Variants in LUZP1 observed in about 807,000 individuals in gnomAD.
The protein encoded by LUZP1 is filamin mechanobinding actin cross-linking protein.
In LUZP1, 25 loss-of-function variants were observed where a neutral mutation model predicts 71.3. The observed-to-expected ratio is 0.35, with a 90% CI of 0.26 to 0.49. LUZP1 has a LOEUF of 0.49. Ranked by LOEUF, LUZP1 falls within the 20% of genes least tolerant of loss-of-function variation. The pLI is 0.99. For missense variants in LUZP1, 1,142 were observed against 1,300.8 expected (o/e 0.88, Z 1.88); for synonymous variants, 481 against 506.4 (o/e 0.95, Z 0.67).
At chr1:23,156,618 G>T (rs1456874305) in intron 2 of LUZP1, among the ~76,000 whole-genome samples, 1 of 151,978 alleles carries the variant, frequency 6.6e-6, no homozygotes, top group Non-Finnish European at 1.5e-5. Context: ...TGTAATATGG[G>T]TCATATTCAT....
At chr1:23,092,836 G>A (rs760779821) in exon 4 of LUZP1, 14 of 1,613,650 alleles carry the variant, frequency 8.7e-6, no homozygotes, top group East Asian at 4.5e-5. Context: ...GGGGGGTAGC[G>A]ACTCAGCACT....
chr1:23,110,633 C>CAT (rs56065150), intron 2 of LUZP1, among the ~76,000 whole-genome samples: 24,217 of 121,028 alleles, frequency 0.2, 1,951 homozygotes, highest in African/African-American at 0.22. Flanking sequence ...AACGCGCACA[C>CAT]ATACACACAC....
rs1433009833 is a variant in LUZP1 at position 23,093,737 on chromosome 1, A to G, written c.525T>C (p.Thr175=). Reference sequence around the variant, plus strand: ...CTAACTCTGACGCTAAACTCTGCTCAGTTTTATCCAGGCGGTCCTCAGAAG... The same window carrying G: ...CTAACTCTGACGCTAAACTCTGCTCGGTTTTATCCAGGCGGTCCTCAGAAG... The change falls in exon 4 of 5, where the codon ACT becomes ACC. Residue 175 remains threonine (T), a synonymous_variant. Transcript: ENST00000302291. The surrounding 1 kb of genome is among the most constrained non-coding windows in gnomAD (Gnocchi z 4.2). 6.2e-7 allele frequency: 1 copy of G among 1,613,666 alleles called. No homozygotes were observed. Among genetic ancestry groups the G allele is most frequent in the Non-Finnish European group, 8.5e-7 (1 of 1,180,026 alleles).
chr1:23,123,824 T>C (rs1644149363), intron 2 of LUZP1, among the ~76,000 whole-genome samples: 1 of 152,178 alleles, frequency 6.6e-6, no homozygotes, highest in African/African-American at 2.4e-5. Flanking sequence ...TAAGCCACCC[T>C]ATATAGACCT....
At chr1:23,089,016 C>T in exon 5 of LUZP1, 3 of 1,614,150 alleles carry the variant, frequency 1.9e-6, no homozygotes, top group Non-Finnish European at 2.5e-6. Context: ...GTGCAGTTGC[C>T]TGTAGACACT....
intron 3 of LUZP1, among the ~76,000 whole-genome samples, chr1:23,102,684 G>C (rs1340379822): frequency 6.6e-6 from 1 of 152,116 alleles, no homozygotes; most frequent in African/African-American, 2.4e-5. Context: ...AGTGGGCAGG[G>C]CATGGTAGCT....
rs146205890 is a variant in LUZP1 at position 23,089,007 on chromosome 1, T to C, written c.3119A>G (p.His1040Arg). ...CAGTTCAGACGGATCCAGGGAGTTG[T>C]GCAGTTGCCTGTAGACACTGAGTGT... The change falls in exon 5 of 5, where the codon CAC becomes CGC. Residue 1040 changes from histidine to arginine, a missense_variant. Physicochemically the swap from His to Arg is conservative, Grantham distance 29 (BLOSUM62 0). Coordinates refer to ENST00000302291, the Ensembl canonical transcript of LUZP1. The C allele has an allele frequency of 4.3e-5, 70 of 1,614,148 alleles. No individual in the cohort carries two copies. Among genetic ancestry groups the C allele is most frequent in the Non-Finnish European group, 5.6e-5 (66 of 1,180,010 alleles).
At chr1:23,161,965 G>A (rs1303703686) in intron 2 of LUZP1, among the ~76,000 whole-genome samples, 3 of 142,880 alleles carry the variant, frequency 2.1e-5, no homozygotes, top group Non-Finnish European at 3.0e-5. Flanking sequence ...GGTGGAGGTT[G>A]CAGTGAGCTG....
intron 3 of LUZP1, among the ~76,000 whole-genome samples, chr1:23,106,630 T>C (rs1643984569): frequency 6.6e-6 from 1 of 150,746 alleles, no homozygotes; most frequent in Non-Finnish European, 1.5e-5. Context: ...AAATTTAAAT[T>C]AAAAAAAAAT....
intron 2 of LUZP1, among the ~76,000 whole-genome samples, chr1:23,122,667 T>A (rs1230293285): frequency 6.6e-6 from 1 of 152,226 alleles, no homozygotes; most frequent in Non-Finnish European, 1.5e-5. Flanking sequence ...GAAACTACTC[T>A]TTTTCTGCAA....
chr1:23,137,200 G>A (rs564982629), intron 2 of LUZP1, among the ~76,000 whole-genome samples: 1 of 152,178 alleles, frequency 6.6e-6, no homozygotes, highest in African/African-American at 2.4e-5. Context: ...GAGAGATACA[G>A]AGATCTTACG....
chr1:23,129,400 G>A (rs1644196545), intron 2 of LUZP1, among the ~76,000 whole-genome samples: 1 of 152,116 alleles, frequency 6.6e-6, no homozygotes, highest in African/African-American at 2.4e-5. Context: ...TGACCAACAT[G>A]GAGAAACACT....
intron 2 of LUZP1, among the ~76,000 whole-genome samples, chr1:23,122,103 C>T (rs182893957): frequency 8.5e-5 from 13 of 152,208 alleles, no homozygotes; most frequent in Admixed American, 6.5e-4. Context: ...ATAAAATCAA[C>T]AGTTTCTAAT....
chr1:23,143,237 T>G (rs2482020), intron 2 of LUZP1, among the ~76,000 whole-genome samples: 152,160 of 152,224 alleles, frequency 1, 76,048 homozygotes, highest in Middle Eastern at 1. Context: ...TCTAACTCCT[T>G]ACCTCGTGAT....
intron 2 of LUZP1, among the ~76,000 whole-genome samples, chr1:23,138,695 GTGTATATATATA>G (rs1375536201): frequency 4.1e-4 from 45 of 109,626 alleles, no homozygotes; most frequent in African/African-American, 2.1e-3. Context: ...GTGTGTGTGT[GTGTATATATATA>G]TATATATAAA....
exon 5 of LUZP1, chr1:23,087,563 C>G (rs917433387): frequency 6.6e-6 from 1 of 152,630 alleles, no homozygotes; most frequent in Non-Finnish European, 1.5e-5. Flanking sequence ...TTAATGTTCT[C>G]TCATTCTGAG....
At chr1:23,135,205 A>G (rs1213261031) in intron 2 of LUZP1, among the ~76,000 whole-genome samples, 4 of 152,254 alleles carry the variant, frequency 2.6e-5, no homozygotes, top group African/African-American at 9.6e-5. Flanking sequence ...AAACACATTA[A>G]TATTTCTACA....
In LUZP1 at chr1:23,090,653, G is replaced by T. The variant is rs990485181; in HGVS notation, c.3072+537C>A. 6 of 585,246 alleles carry T rather than the reference G, an allele frequency of 1.0e-5. No individual in the cohort carries two copies. In the African/African-American group the frequency reaches 1.1e-4, roughly 11 times the overall value. 36.3% of individuals were successfully genotyped at this position (585,246 alleles called of 1,614,324 possible). On this transcript the variant is annotated intron_variant, in intron 4 of 4. Transcript: ENST00000302291. ...GCAAAAGAAAGTGTCACTTGGAATTGGGTATACGCTTATCTAAAATAGGCC... is the reference window on the plus strand; with the variant it reads ...GCAAAAGAAAGTGTCACTTGGAATTTGGTATACGCTTATCTAAAATAGGCC...
intron 2 of LUZP1, among the ~76,000 whole-genome samples, chr1:23,120,069 A>G (rs889438551): frequency 4.6e-5 from 7 of 152,034 alleles, no homozygotes; most frequent in Non-Finnish European, 8.8e-5. Context: ...CAGCTCCCAG[A>G]GTAGCTGGGA....
Sources: allele counts gnomAD v4.1 joint callset (sites outside exome capture counted in the v4.1 genomes callset), GRCh38; gene constraint gnomAD v4.1.1; non-coding constraint Gnocchi (gnomAD v3.1); transcripts MANE v1.5; gene names NCBI Gene and HGNC (gene_info 2026-07-23, HGNC 2026-07-21).